Variants in EIPR1 observed in about 807,000 individuals in gnomAD.
EIPR1 encodes the protein EARP complex and GARP complex interacting protein 1, also known as EARP and GARP complex-interacting protein 1.
A neutral mutation model predicts 48.1 loss-of-function variants in EIPR1; 25 were observed. The observed-to-expected ratio is 0.52, with a 90% confidence interval of 0.38 to 0.73. The LOEUF (loss-of-function observed/expected upper bound fraction) is 0.73, where lower values mean the gene tolerates loss of function less well. Ranked by LOEUF, EIPR1 falls within the 30% of genes least tolerant of loss-of-function variation. EIPR1 has a pLI of 0.00. For synonymous variants in EIPR1, 204 were observed against 201.9 expected (o/e 1.01, Z -0.09); for missense variants, 415 against 506.2 (o/e 0.82, Z 1.73).
At chr2:3,209,147 T>C (rs1665349489) in intron 5 of EIPR1, among the ~76,000 whole-genome samples, 1 of 152,104 alleles carries the variant, frequency 6.6e-6, no homozygotes, top group Admixed American at 6.5e-5. Flanking sequence ...AGAGGGTGAT[T>C]TGAAAGTTGG....
chr2:3,349,306 C>T (rs956063929), intron 2 of EIPR1, among the ~76,000 whole-genome samples: 2 of 152,382 alleles, frequency 1.3e-5, no homozygotes, highest in Admixed American at 1.3e-4. Flanking sequence ...CCTAACCGGC[C>T]CTGCTCCAGT....
intron 3 of EIPR1, among the ~76,000 whole-genome samples, chr2:3,269,242 C>T (rs570448136): frequency 1.7e-4 from 26 of 151,658 alleles, no homozygotes; most frequent in South Asian, 4.2e-4. Flanking sequence ...ACTCAGTCAT[C>T]GCACTCAGTC....
chr2:3,227,109 G>T (rs1053019211), intron 4 of EIPR1, among the ~76,000 whole-genome samples: 4 of 152,164 alleles, frequency 2.6e-5, no homozygotes, highest in Non-Finnish European at 5.9e-5. Context: ...ATGTGGAAGT[G>T]ACATTAGAAC....
At chr2:3,326,457 C>T (rs532141142) in intron 3 of EIPR1, among the ~76,000 whole-genome samples, 3 of 152,210 alleles carry the variant, frequency 2.0e-5, no homozygotes, top group Admixed American at 6.5e-5. Context: ...CCTGCTCCCA[C>T]CATGCCCACC....
intron 3 of EIPR1, among the ~76,000 whole-genome samples, chr2:3,268,653 C>T (rs1179440711): frequency 6.6e-6 from 1 of 152,160 alleles, no homozygotes; most frequent in East Asian, 1.9e-4. Flanking sequence ...AGACCTCAAT[C>T]ACAGGGACAG....
At chr2:3,266,803 AG>A (rs1667503535) in intron 3 of EIPR1, among the ~76,000 whole-genome samples, 1 of 152,226 alleles carries the variant, frequency 6.6e-6, no homozygotes, top group South Asian at 2.1e-4. Context: ...AGGCCAAGAG[AG>A]AAAAAGACAG....
Position 3,286,889 on chromosome 2 carries a change from AG to A in EIPR1, c.260-29435del, listed in dbSNP as rs138446904. Among the ~76,000 whole-genome samples the A allele has an allele frequency of 5.7e-3, 827 of 144,394 alleles. 12 individuals are homozygous for A. Among genetic ancestry groups the A allele is most frequent in the African/African-American group, 0.021 (800 of 37,864 alleles). 94.7% of individuals were successfully genotyped at this position (144,394 alleles called of 152,430 possible). ...GAGCACACAGAGTGCCAGCCAGCAG[AG>A]GGGGCGGTGGGGAGCACACAGAGTG... On this transcript the variant is annotated intron_variant, in intron 3 of 8. Transcript: ENST00000382125. The surrounding 1 kb of genome is among the most constrained non-coding windows in gnomAD (Gnocchi z 4.2).
chr2:3,305,351 G>A (rs1395489023), intron 3 of EIPR1, among the ~76,000 whole-genome samples: 7 of 132,742 alleles, frequency 5.3e-5, no homozygotes, highest in East Asian at 4.5e-4. Context: ...CTTCCATCCC[G>A]TTCAGCCCTC....
intron 4 of EIPR1, among the ~76,000 whole-genome samples, chr2:3,228,302 T>C (rs1666129539): frequency 6.6e-6 from 1 of 152,222 alleles, no homozygotes; most frequent in Non-Finnish European, 1.5e-5. Flanking sequence ...AACTTTAAGG[T>C]TTAATGACTG....
intron 3 of EIPR1, among the ~76,000 whole-genome samples, chr2:3,291,563 GCATAC>G (rs1160565112): frequency 2.0e-5 from 3 of 152,064 alleles, no homozygotes; most frequent in Non-Finnish European, 4.4e-5. Context: ...TAAACATAAA[GCATAC>G]CTCCTAAAAA....
At chr2:3,219,066 C>T (rs974580288) in intron 4 of EIPR1, among the ~76,000 whole-genome samples, 20 of 149,822 alleles carry the variant, frequency 1.3e-4, no homozygotes, top group East Asian at 7.9e-4. Flanking sequence ...ACACCCAACA[C>T]GGCCCTGGTA....
chr2:3,202,537 A>G (rs1423497060), intron 5 of EIPR1, among the ~76,000 whole-genome samples: 1 of 152,376 alleles, frequency 6.6e-6, no homozygotes, highest in Non-Finnish European at 1.5e-5. Context: ...AGACAGAAAC[A>G]CAAGGTCACA....
At chr2:3,307,854 C>T (rs1308890016) in intron 3 of EIPR1, among the ~76,000 whole-genome samples, 1 of 152,196 alleles carries the variant, frequency 6.6e-6, no homozygotes, top group Non-Finnish European at 1.5e-5. Flanking sequence ...ATGTTCCCAA[C>T]ACAAAGGAAA....
In EIPR1 at chr2:3,192,448, T is replaced by C. The variant is rs538778116; in HGVS notation, c.955A>G (p.Ile319Val). Reference sequence around the variant, plus strand: ...GAACGGTGGTCCTCCTGGTCACTGATGTCATCGTCGTCTACCAAGTGGCCG... The same window carrying C: ...GAACGGTGGTCCTCCTGGTCACTGACGTCATCGTCGTCTACCAAGTGGCCG... ...PFGHLVDDDD[I>V]SDQEDHRSEE... is the part of the protein sequence containing the mutation. Residue 319 changes from isoleucine to valine, a missense_variant, in exon 8 of 9, where the codon ATC becomes GTC. Transcript: ENST00000382125. 6.2e-7 allele frequency: 1 copy of C among 1,612,804 alleles called. No homozygotes were observed. The highest frequency in any genetic ancestry group is 8.5e-7 in the Non-Finnish European group (1 of 1,179,606).
At position 3,345,482 on chromosome 2, in the gene EIPR1, G is replaced by A. The variant is rs184366345; in HGVS notation, c.127-7333C>T. ...TCTACTAAAAATATAAAAATTAGCC[G>A]GGCATGGTGGTGCACGCCTGTGATC... On this transcript the variant is annotated intron_variant, in intron 2 of 8. Transcript: ENST00000382125. 4.1e-3 allele frequency among the ~76,000 whole-genome samples: 628 copies of A among 152,000 alleles called. 2 individuals are homozygous for A. The highest frequency in any genetic ancestry group is 6.8e-3 in the Middle Eastern group (2 of 292).
intron 3 of EIPR1, among the ~76,000 whole-genome samples, chr2:3,266,758 A>G (rs1340720825): frequency 6.6e-6 from 1 of 152,252 alleles, no homozygotes; most frequent in Non-Finnish European, 1.5e-5. Context: ...TGATGTGCCA[A>G]TCAGAGCAGT....
chr2:3,241,246 G>C (rs1179205332), intron 4 of EIPR1, among the ~76,000 whole-genome samples: 2 of 152,246 alleles, frequency 1.3e-5, no homozygotes, highest in East Asian at 3.8e-4. Flanking sequence ...CACCTCCGCA[G>C]AGCTGAGATG....
chr2:3,205,542 G>C (rs537537210), intron 5 of EIPR1, among the ~76,000 whole-genome samples: 1 of 152,222 alleles, frequency 6.6e-6, no homozygotes, highest in African/African-American at 2.4e-5. Context: ...TTATTTCCAA[G>C]CTTCTTGTTA....
rs1416107819 is a variant in EIPR1, at chr2:3,189,204, G to A, written c.*130C>T. Reference sequence around the variant, plus strand: ...CCATTCATAAATGCTGCTGCTACAGGAAGGGAACAGCGGCTCTCCCAGAGA... The same window carrying A: ...CCATTCATAAATGCTGCTGCTACAGAAAGGGAACAGCGGCTCTCCCAGAGA... On this transcript the variant is annotated 3_prime_UTR_variant, in exon 9 of 9. Transcript: ENST00000382125. This position sits in a 1 kb window ranked among gnomAD's most constrained non-coding sequence, Gnocchi z 4.6. The A allele has an allele frequency of 6.1e-6, 6 of 984,064 alleles. No individual in the cohort carries two copies. The highest frequency in any genetic ancestry group is 7.1e-6 in the Non-Finnish European group (5 of 706,628). 61.0% of individuals were successfully genotyped at this position (984,064 alleles called of 1,614,324 possible). A position where few individuals can be genotyped will look rare whatever the true frequency, so the allele number is the denominator to read the frequency against.
Sources: gnomAD v4.1 joint callset for allele counts (sites outside exome capture counted in the v4.1 genomes callset) on GRCh38, gnomAD v4.1.1 for gene constraint, Gnocchi (gnomAD v3.1) non-coding constraint, MANE v1.5 for transcripts, NCBI Gene and HGNC (gene_info 2026-07-23, HGNC 2026-07-21) for gene names.